The following CPVL variants were observed in gnomAD, a reference collection of about 807,000 sequenced individuals.
CPVL encodes the protein probable serine carboxypeptidase CPVL.
In CPVL, 51 loss-of-function variants were observed where a neutral mutation model predicts 63.7. The observed-to-expected ratio is 0.80, with a 90% CI of 0.64 to 1.01. The LOEUF is 1.01. Ranked by LOEUF, CPVL falls within the 50% of genes least tolerant of loss-of-function variation. CPVL has a pLI of 0.00. For missense variants in CPVL, 530 were observed against 573.1 expected (o/e 0.92, Z 0.77); for synonymous variants, 195 against 206.0 (o/e 0.95, Z 0.46).
Position 28,995,796 on chromosome 7 carries a change from T to C in CPVL, c.1407A>G (p.Lys469=). ...TTTATCCAACATAAGGATCCCATCC[T>C]TTTCCATAAATGAATCGATTAATCA... ...FDMINRFIYG[K]GWDPYVG Residue 469 remains lysine (K), a synonymous_variant, in exon 13 of 13, where the codon AAA becomes AAG. Transcript: ENST00000265394. 6.2e-7 allele frequency: 1 copy of C among 1,604,842 alleles called. No homozygotes were observed. The highest frequency in any genetic ancestry group is 8.5e-7 in the Non-Finnish European group (1 of 1,175,864).
At chr7:29,127,699 C>T (rs1790181899) in intron 1 of CPVL, 2 of 152,156 alleles carry the variant, frequency 1.3e-5, no homozygotes, top group African/African-American at 4.8e-5. Context: ...GACCTACTTC[C>T]CCTGAAAGTA....
intron 7 of CPVL, among the ~76,000 whole-genome samples, chr7:29,080,002 A>AGAGG (rs1784547392): frequency 6.6e-6 from 1 of 152,324 alleles, no homozygotes; most frequent in East Asian, 1.9e-4. Context: ...GAAGCTGTGC[A>AGAGG]CAATAGACTG....
intron 12 of CPVL, among the ~76,000 whole-genome samples, chr7:29,021,854 C>T (rs1360511012): frequency 2.0e-5 from 3 of 152,042 alleles, no homozygotes; most frequent in Admixed American, 1.3e-4. Context: ...TATCTACATC[C>T]CTGAACCCCT....
At chr7:29,187,236 T>C (rs886292825) in intron 1 of CPVL, among the ~76,000 whole-genome samples, 1 of 152,146 alleles carries the variant, frequency 6.6e-6, no homozygotes, top group Non-Finnish European at 1.5e-5. Flanking sequence ...GTCTATACTT[T>C]TATTGAAATC....
At chr7:29,040,037 A>G (rs1354770929) in intron 11 of CPVL, among the ~76,000 whole-genome samples, 5 of 152,018 alleles carry the variant, frequency 3.3e-5, no homozygotes, top group South Asian at 2.1e-4. Context: ...GTTGGCCTCT[A>G]TCTGTCTTAG....
intron 11 of CPVL, among the ~76,000 whole-genome samples, chr7:29,063,773 T>C (rs923544506): frequency 6.6e-6 from 1 of 152,056 alleles, no homozygotes; most frequent in Non-Finnish European, 1.5e-5. Context: ...GGTTTCACCA[T>C]GTTGGCCAGG....
At chr7:29,194,164 G>T (rs1028645989) in intron 1 of CPVL, 1 of 152,246 alleles carries the variant, frequency 6.6e-6, no homozygotes, top group African/African-American at 2.4e-5. Context: ...GCCCGGCGGG[G>T]CGCGGTGAGC....
intron 3 of CPVL, among the ~76,000 whole-genome samples, chr7:29,104,135 A>G (rs1179258176): frequency 4.6e-5 from 7 of 152,248 alleles, no homozygotes; most frequent in Admixed American, 1.3e-4. Flanking sequence ...ACAAGTTGCT[A>G]AAGACATTCA....
intron 5 of CPVL, among the ~76,000 whole-genome samples, chr7:29,161,806 T>G (rs1251297115): frequency 6.6e-6 from 1 of 152,216 alleles, no homozygotes; most frequent in Non-Finnish European, 1.5e-5. Flanking sequence ...ATAGAATATA[T>G]AAAGAGTTCT....
chr7:29,109,332 A>G (rs1350404403), intron 3 of CPVL, among the ~76,000 whole-genome samples: 1 of 152,188 alleles, frequency 6.6e-6, no homozygotes, highest in Non-Finnish European at 1.5e-5. Flanking sequence ...CCCCCAAAAA[A>G]TACTCAGAGG....
At chr7:29,078,833 G>A (rs1219807588) in intron 7 of CPVL, among the ~76,000 whole-genome samples, 3 of 152,192 alleles carry the variant, frequency 2.0e-5, no homozygotes, top group Non-Finnish European at 4.4e-5. Flanking sequence ...TTCTTCGGTT[G>A]CAGCTTAAAC....
intron 7 of CPVL, among the ~76,000 whole-genome samples, chr7:29,082,698 T>C (rs1038753020): frequency 3.9e-5 from 6 of 152,182 alleles, no homozygotes; most frequent in African/African-American, 1.4e-4. Context: ...AAAGTATTCA[T>C]CCTGGCAGCA....
In CPVL at chr7:29,121,085, AGCATTCC is replaced by A; in HGVS notation, c.-10-21_-10-15del. 1 of 1,558,436 alleles carries A rather than the reference AGCATTCC, an allele frequency of 6.4e-7. No homozygotes were observed. The highest frequency in any genetic ancestry group is 1.2e-5 in the South Asian group (1 of 83,764). ...ATCTCTCAGGGTCTAGGATAAAAAC[AGCATTCC>A]AAAAATGAATCATAAGAGTAAATAT... On this transcript the variant is annotated splice_polypyrimidine_tract_variant and intron_variant, in intron 1 of 12. Transcript: ENST00000265394.
In CPVL at chr7:29,064,060, C is replaced by T; in HGVS notation, c.1137+1G>A. The T allele has an allele frequency of 1.2e-6, 2 of 1,605,476 alleles. No homozygotes were observed. The highest frequency in any genetic ancestry group is 1.1e-5 in the South Asian group (1 of 90,710). On this transcript the variant is annotated splice_donor_variant, in intron 11 of 12. Transcript: ENST00000265394. LOFTEE classifies it high-confidence loss of function. ...AATAGTAACTGAAGTAGCTCTCTTA[C>T]CTTATAATTATTCATGATTTCAGTT...
intron 9 of CPVL, 57 bp downstream of exon 9, chr7:29,071,716 C>A: frequency 2.4e-6 from 2 of 833,396 alleles, no homozygotes; most frequent in South Asian, 1.7e-5. Context: ...CTCACCCGCC[C>A]TCCCTCCCCA....
intron 12 of CPVL, chr7:29,009,108 C>T (rs1785514958): frequency 6.7e-6 from 1 of 149,166 alleles, no homozygotes; most frequent in South Asian, 2.1e-4. Context: ...ACCTACATAA[C>T]CACCCGGACT....
intron 2 of CPVL, 40 bp downstream of exon 2, chr7:29,120,853 C>A: frequency 3.0e-4 from 349 of 1,175,486 alleles, no homozygotes; most frequent in Non-Finnish European, 3.9e-4. Context: ...AACTGTTGAA[C>A]TCATGCCAGT....
At chr7:29,071,165 C>T (rs1783699322) in intron 9 of CPVL, among the ~76,000 whole-genome samples, 1 of 151,986 alleles carries the variant, frequency 6.6e-6, no homozygotes, top group African/African-American at 2.4e-5. Context: ...TATATTCTTA[C>T]ATTTTAAATA....
intron 1 of CPVL, chr7:29,193,257 G>A (rs913122678): frequency 5.3e-5 from 8 of 151,676 alleles, no homozygotes; most frequent in African/African-American, 1.5e-4. Context: ...ATCCTGGAGG[G>A]ATTTTTTTTT....
Sources: allele counts gnomAD v4.1 joint callset (sites outside exome capture counted in the v4.1 genomes callset), GRCh38; gene constraint gnomAD v4.1.1; transcripts MANE v1.5; gene names NCBI Gene and HGNC (gene_info 2026-07-23, HGNC 2026-07-21).